The following PUDP variants were observed in gnomAD, a reference collection of about 807,000 sequenced individuals.
PUDP encodes the protein pseudouridine-5'-phosphatase.
PUDP carries 8 observed loss-of-function variants against 9.4 expected under a neutral mutation model. That is an observed-to-expected ratio of 0.85 (90% CI 0.50 to 1.53). PUDP has a LOEUF of 1.53. Among genes scored for constraint, PUDP ranks in the 40% most tolerant of loss-of-function variants. The probability of loss-of-function intolerance (pLI) is 0.00; values close to 1 mark genes in which losing one functional copy is unlikely to be tolerated. For missense variants in PUDP, 188 were observed against 189.7 expected, an observed-to-expected ratio of 0.99 and a Z score of 0.05; for synonymous variants, 99 against 80.7, an observed-to-expected ratio of 1.23 and a Z score of -1.22.
intron 3 of PUDP, among the ~76,000 whole-genome samples, chrX:6,868,209 G>A (rs1256082988): frequency 9.0e-6 from 1 of 111,655 alleles, no homozygotes; most frequent in Non-Finnish European, 1.9e-5. Context: ...AAAAATAACA[G>A]CTATATACAC....
At chrX:7,036,306 A>T (rs1794276285) in intron 1 of PUDP, among the ~76,000 whole-genome samples, 1 of 111,967 alleles carries the variant, frequency 8.9e-6, no homozygotes, top group South Asian at 3.7e-4. Flanking sequence ...AATTCTTTCC[A>T]TAACTTCAAA....
chrX:6,972,431 T>C (rs1928891017), intron 3 of PUDP, among the ~76,000 whole-genome samples: 1 of 112,315 alleles, frequency 8.9e-6, no homozygotes, highest in Admixed American at 9.4e-5. Flanking sequence ...TGTTGAATTT[T>C]ATTGAAGGCC....
intron 3 of PUDP, among the ~76,000 whole-genome samples, chrX:6,766,918 A>T (rs989735285): frequency 2.7e-5 from 3 of 112,679 alleles, no homozygotes; most frequent in African/African-American, 9.7e-5. Context: ...ATGTTTAATT[A>T]AAATAAAAGA....
At chrX:6,967,150 C>T (rs1328615617) in intron 3 of PUDP, among the ~76,000 whole-genome samples, 4 of 111,786 alleles carry the variant, frequency 3.6e-5, no homozygotes, top group African/African-American at 1.3e-4. Context: ...TCCCAGAGAG[C>T]GGCTGCCACA....
At chrX:6,728,651 T>C (rs1257361173) in intron 3 of PUDP, among the ~76,000 whole-genome samples, 2 of 111,612 alleles carry the variant, frequency 1.8e-5, no homozygotes, top group African/African-American at 6.5e-5. Flanking sequence ...AATACTTTTA[T>C]GTTCACAAAA....
chrX:7,014,381 T>C (rs1190827552), intron 1 of PUDP, among the ~76,000 whole-genome samples: 1 of 110,780 alleles, frequency 9.0e-6, no homozygotes, highest in Non-Finnish European at 1.9e-5. Flanking sequence ...ATTTCATGAA[T>C]GTGTGGTCAC....
intron 3 of PUDP, among the ~76,000 whole-genome samples, chrX:6,808,458 T>C (rs1926088618): frequency 8.9e-6 from 1 of 112,011 alleles, no homozygotes. Context: ...TTATGATGTG[T>C]GCCTCCAGGA....
At chrX:6,855,943 C>A (rs1046968783) in intron 3 of PUDP, among the ~76,000 whole-genome samples, 2 of 111,222 alleles carry the variant, frequency 1.8e-5, no homozygotes, top group African/African-American at 3.3e-5. Flanking sequence ...GATATTTATA[C>A]CTTAGAATGA....
At chrX:6,892,717 A>G (rs185444118) in intron 3 of PUDP, among the ~76,000 whole-genome samples, 1 of 111,610 alleles carries the variant, frequency 9.0e-6, no homozygotes, top group African/African-American at 3.2e-5. Flanking sequence ...TGAGAAAGTG[A>G]TAAAGGTTCA....
intron 1 of PUDP, among the ~76,000 whole-genome samples, chrX:6,714,314 G>A (rs772438313): frequency 1.8e-5 from 2 of 112,147 alleles, no homozygotes; most frequent in South Asian, 3.7e-4. Context: ...GAGGTAGGGA[G>A]ATAAATCAAT....
chrX:7,001,201 G>A (rs181996334), intron 1 of PUDP, among the ~76,000 whole-genome samples: 2 of 110,199 alleles, frequency 1.8e-5, no homozygotes, highest in African/African-American at 3.3e-5. Flanking sequence ...TTTCATGAAA[G>A]CCACAAAATA....
At chrX:7,118,622 A>G (rs1292163654) in intron 1 of PUDP, among the ~76,000 whole-genome samples, 1 of 112,163 alleles carries the variant, frequency 8.9e-6, no homozygotes, top group East Asian at 2.8e-4. Context: ...AAACGAACCT[A>G]AAATTGACTT....
chrX:7,025,146 C>T (rs1284765439), intron 1 of PUDP, among the ~76,000 whole-genome samples: 1 of 111,494 alleles, frequency 9.0e-6, no homozygotes, highest in Non-Finnish European at 1.9e-5. Flanking sequence ...TTCAGTCTTC[C>T]ATAAGAGAAC....
At chrX:6,956,241 G>A (rs772830654) in intron 3 of PUDP, among the ~76,000 whole-genome samples, 1 of 110,993 alleles carries the variant, frequency 9.0e-6, no homozygotes, top group Non-Finnish European at 1.9e-5. Context: ...AGTAGAGACG[G>A]GGTTTCACTG....
chrX:6,845,776 T>C (rs1392077854), intron 3 of PUDP, among the ~76,000 whole-genome samples: 5 of 112,163 alleles, frequency 4.5e-5, no homozygotes, highest in Non-Finnish European at 9.4e-5. Flanking sequence ...CCTAGAAATA[T>C]TCAGCCCCTT....
intron 2 of PUDP, among the ~76,000 whole-genome samples, chrX:6,977,494 T>C (rs1928973691): frequency 8.9e-6 from 1 of 112,446 alleles, no homozygotes; most frequent in Admixed American, 9.4e-5. Context: ...ATTTGAGACA[T>C]CAGACTGTAT....
rs1171560438 is a variant in PUDP, at chrX:7,003,187, G to A, written c.205-24844C>T. 5.4e-5 allele frequency among the ~76,000 whole-genome samples: 6 copies of A among 111,557 alleles called. No homozygotes were observed. The East Asian group carries it at 1.7e-3, about 31-fold the overall frequency. ...CTCCAAGTGTTTGAAATGGGTGGTC[G>A]GAGAGGATAATAAAGTTGTATGCTT... On this transcript the variant is annotated intron_variant and NMD_transcript_variant, in intron 1 of 3. Transcript: ENST00000655425.
chrX:6,956,614 T>C (rs888829226), intron 3 of PUDP, among the ~76,000 whole-genome samples: 4 of 111,744 alleles, frequency 3.6e-5, no homozygotes, highest in African/African-American at 1.3e-4. Context: ...TCTGCAACTG[T>C]AAAGTGTTCA....
chrX:7,022,790 G>A (rs1190336606), intron 1 of PUDP, among the ~76,000 whole-genome samples: 4 of 111,723 alleles, frequency 3.6e-5, no homozygotes, highest in Non-Finnish European at 7.5e-5. Flanking sequence ...AACATAGACT[G>A]GCTTAACTCT....
Sources: allele counts gnomAD v4.1 joint callset (sites outside exome capture counted in the v4.1 genomes callset), GRCh38; gene constraint gnomAD v4.1.1; transcripts MANE v1.5; gene names NCBI Gene and HGNC (gene_info 2026-07-23, HGNC 2026-07-21).